Variants in BNC1 observed in about 807,000 individuals in gnomAD.
The protein encoded by BNC1 is zinc finger protein basonuclin-1.
Under a neutral mutation model 66.5 loss-of-function variants are expected in BNC1, and 8 were observed. The observed-to-expected ratio is 0.12, with a 90% CI of 0.07 to 0.22. The LOEUF is 0.22. BNC1 is among the 10% of genes least tolerant of loss of function. BNC1 has a pLI of 1.00. For synonymous variants in BNC1, 454 were observed against 452.6 expected (o/e 1.00, Z -0.04); for missense variants, 1,069 against 1,241.3 (o/e 0.86, Z 2.09).
chr15:83,272,687 G>A (rs556939776), intron 1 of BNC1, among the ~76,000 whole-genome samples: 180 of 152,272 alleles, frequency 1.2e-3, no homozygotes, highest in Non-Finnish European at 2.3e-3. Flanking sequence ...ACGCAACCCA[G>A]GAAACCAGGT....
At position 83,257,709 on chromosome 15, in the gene BNC1, G is replaced by A. The variant is rs374198015; in HGVS notation, c.2718C>T (p.Tyr906=). 2 of 1,613,998 alleles carry A rather than the reference G, an allele frequency of 1.2e-6. No individual in the cohort carries two copies. Among genetic ancestry groups the A allele is most frequent in the Non-Finnish European group, 1.7e-6 (2 of 1,180,022 alleles). ...GSSLVPGEDE[Y]PICVLMEKAD... is the part of the protein sequence containing the mutation. ...CCTTCTCCATCAGGACACAGATGGG[G>A]TACTCATCTTCCCCAGGGACAAGGC... The change falls in exon 5 of 5, where the codon TAC becomes TAT. Residue 906 remains tyrosine, a synonymous_variant. Transcript: ENST00000345382.
chr15:83,280,548 G>T (rs923356107), intron 1 of BNC1, among the ~76,000 whole-genome samples: 1 of 152,128 alleles, frequency 6.6e-6, no homozygotes, highest in Admixed American at 6.5e-5. Context: ...TTGAAACTAA[G>T]TTTTTAAAAA....
chr15:83,260,501 A>G (rs892571414), intron 4 of BNC1, among the ~76,000 whole-genome samples: 4 of 152,224 alleles, frequency 2.6e-5, no homozygotes, highest in Non-Finnish European at 5.9e-5. Flanking sequence ...TTACTGGTGT[A>G]GACATATCCC....
intron 4 of BNC1, among the ~76,000 whole-genome samples, chr15:83,261,992 T>C (rs2038147191): frequency 1.3e-5 from 2 of 152,100 alleles, no homozygotes; most frequent in Admixed American, 6.5e-5. Flanking sequence ...CTCACTCTTA[T>C]TCAAATAGTT....
At chr15:83,277,168 G>C (rs535585816) in intron 1 of BNC1, among the ~76,000 whole-genome samples, 2 of 151,994 alleles carry the variant, frequency 1.3e-5, no homozygotes, top group Admixed American at 6.5e-5. Flanking sequence ...TCTACCTCCC[G>C]GGATCAAGGG....
At chr15:83,265,561 T>C (rs1254253351) in intron 3 of BNC1, among the ~76,000 whole-genome samples, 3 of 152,196 alleles carry the variant, frequency 2.0e-5, no homozygotes, top group Non-Finnish European at 1.5e-5. Flanking sequence ...ATCCTAACAC[T>C]AGAAAGCAAG....
At chr15:83,279,470 C>G (rs1206916554) in intron 1 of BNC1, among the ~76,000 whole-genome samples, 3 of 152,160 alleles carry the variant, frequency 2.0e-5, no homozygotes, top group Middle Eastern at 3.2e-3. Context: ...GAGAGGGCTT[C>G]CTCCAGGAAG....
chr15:83,264,533 T>A lies in BNC1; in HGVS notation c.718A>T (p.Met240Leu), dbSNP rs539369068. Residue 240 changes from methionine (M) to leucine (L), a missense_variant, in exon 4 of 5, where the codon ATG (methionine) becomes TTG (leucine). Transcript: ENST00000345382. ...AACTGGAAAGGCAGCATGAAAGTCA[T>A]GTTGCTTATGAGGTTCTCAAAGGGG... The part of the protein sequence containing the change: ...IHPFENLISN[M>L]TFMLPFQFFN... 1.9e-6 allele frequency: 3 copies of A among 1,614,090 alleles called. No individual in the cohort carries two copies. The highest frequency in any genetic ancestry group is 2.2e-5 in the East Asian group (1 of 44,870).
Position 83,263,553 on chromosome 15 carries a change from GTCT to G in BNC1, c.1695_1697del (p.Glu565del). The G allele has an allele frequency of 1.2e-6, 2 of 1,614,230 alleles. No individual in the cohort carries two copies. The highest frequency in any genetic ancestry group is 1.7e-6 in the Non-Finnish European group (2 of 1,180,046). ...CTTCACTGACCACCTGTAGGGGCAT[GTCT>G]TCATCTGAGCTGAGGTTGTGTCTTT... On this transcript the variant is annotated inframe_deletion, in exon 4 of 5. Coordinates refer to ENST00000345382, the MANE Select transcript of BNC1 (RefSeq NM_001717.4).
At position 83,257,737 on chromosome 15, in the gene BNC1, G is replaced by A. The variant is rs192479542; in HGVS notation, c.2690C>T (p.Ser897Leu). 2.4e-5 allele frequency: 38 copies of A among 1,614,058 alleles called. No homozygotes were observed. The African/African-American group carries it at 2.7e-4, about 11-fold the overall frequency. Residue 897 changes from serine to leucine, a missense_variant, in exon 5 of 5, where the codon TCG becomes TTG. Coordinates refer to ENST00000345382, the MANE Select transcript of BNC1 (RefSeq NM_001717.4). ...MEDSDGNCEG[S>L]SLVPGEDEYP... Reference sequence around the variant, plus strand: ...CTCATCTTCCCCAGGGACAAGGCTCGACCCTTCACAGTTCCCATCACTGTC... The same window carrying A: ...CTCATCTTCCCCAGGGACAAGGCTCAACCCTTCACAGTTCCCATCACTGTC...
chr15:83,264,433 C>T lies in BNC1; in HGVS notation c.818G>A (p.Ser273Asn). Reference sequence around the variant, plus strand: ...ATGGACTTCCTGTTTGGGGTCCTGACTTTGGTCATGACCCTGCTCCAACAT... The same window carrying T: ...ATGGACTTCCTGTTTGGGGTCCTGATTTTGGTCATGACCCTGCTCCAACAT... ...QYMLEQGHDQ[S>N]QDPKQEVHGP... The change falls in exon 4 of 5, where the codon AGT becomes AAT. Residue 273 changes from serine to asparagine, a missense_variant. Around this residue, in one of 7 missense-constraint regions of BNC1, gnomAD observed 181 missense variants for 181.5 expected, o/e 1.00. Coordinates refer to ENST00000345382, the MANE Select transcript of BNC1 (RefSeq NM_001717.4). 1.2e-6 allele frequency: 2 copies of T among 1,614,164 alleles called. No homozygotes were observed. The highest frequency in any genetic ancestry group is 1.7e-6 in the Non-Finnish European group (2 of 1,180,030).
At chr15:83,274,697 G>A (rs1297938659) in intron 1 of BNC1, among the ~76,000 whole-genome samples, 4 of 152,206 alleles carry the variant, frequency 2.6e-5, no homozygotes, top group Non-Finnish European at 4.4e-5. Flanking sequence ...CCAGGGTCAC[G>A]CAGTTGGTGA....
intron 1 of BNC1, among the ~76,000 whole-genome samples, chr15:83,273,180 G>T (rs189033558): frequency 6.3e-4 from 96 of 152,250 alleles, no homozygotes; most frequent in Admixed American, 2.2e-3. Flanking sequence ...AACATCTATG[G>T]AAATAAATCT....
chr15:83,283,029 A>C, intron 1 of BNC1: 1 of 1,342,140 alleles, frequency 7.5e-7, no homozygotes, highest in Admixed American at 2.0e-5. Context: ...ACAGCCATAA[A>C]ACCAGGGGAC....
At chr15:83,277,371 G>A (rs2038334277) in intron 1 of BNC1, among the ~76,000 whole-genome samples, 1 of 152,086 alleles carries the variant, frequency 6.6e-6, no homozygotes, top group Non-Finnish European at 1.5e-5. Flanking sequence ...GTGCTGTGGT[G>A]GGATCTTGGC....
chr15:83,283,049 C>A, intron 1 of BNC1: 2 of 1,440,072 alleles, frequency 1.4e-6, no homozygotes, highest in South Asian at 1.2e-5. Flanking sequence ...CGTTACCGAA[C>A]CCCCGAGCGT....
At chr15:83,281,237 A>G (rs1215865458) in intron 1 of BNC1, among the ~76,000 whole-genome samples, 4 of 152,254 alleles carry the variant, frequency 2.6e-5, no homozygotes, top group Non-Finnish European at 5.9e-5. Context: ...TGCAGAAATA[A>G]GGTTTTCAGG....
rs903027636 is a variant in BNC1 at position 83,256,733 on chromosome 15, T to C, written c.*709A>G. The C allele has an allele frequency of 6.6e-6, 1 of 152,200 alleles. No individual in the cohort carries two copies. The highest frequency in any genetic ancestry group is 6.5e-5 in the Admixed American group (1 of 15,272). 9.4% of individuals were successfully genotyped at this position (152,200 alleles called of 1,614,324 possible). On this transcript the variant is annotated 3_prime_UTR_variant, in exon 5 of 5. Transcript: ENST00000345382. ...ACACCACATAAGCACAAATTAAATA[T>C]TGTCAAAATATTTTTAAATTAAATT...
At chr15:83,275,631 C>T (rs1302537463) in intron 1 of BNC1, among the ~76,000 whole-genome samples, 1 of 151,984 alleles carries the variant, frequency 6.6e-6, no homozygotes, top group Non-Finnish European at 1.5e-5. Flanking sequence ...TGAATTGAGT[C>T]CCAAGGCATG....
Sources: allele counts gnomAD v4.1 joint callset (sites outside exome capture counted in the v4.1 genomes callset), GRCh38; gene constraint gnomAD v4.1.1; regional missense constraint gnomAD v4.1.1; transcripts MANE v1.5; gene names NCBI Gene and HGNC (gene_info 2026-07-23, HGNC 2026-07-21).